Variants in DCLK2 observed in about 807,000 individuals in gnomAD.
DCLK2 encodes the protein doublecortin like kinase 2, also known as serine/threonine-protein kinase DCLK2.
In DCLK2, 31 loss-of-function variants were observed where a neutral mutation model predicts 78.4. The observed-to-expected ratio is 0.40, with a 90% CI of 0.30 to 0.53. The LOEUF is 0.53. Ranked by LOEUF, DCLK2 falls within the 20% of genes least tolerant of loss-of-function variation. DCLK2 has a pLI of 0.61. For synonymous variants in DCLK2, 407 were observed against 374.9 expected (o/e 1.09, Z -0.99); for missense variants, 872 against 973.7 (o/e 0.90, Z 1.39).
At chr4:150,096,517 A>T (rs570575346) in intron 1 of DCLK2, among the ~76,000 whole-genome samples, 4 of 152,104 alleles carry the variant, frequency 2.6e-5, no homozygotes, top group Non-Finnish European at 5.9e-5. Flanking sequence ...TCTAAGGAGG[A>T]TGAGGGATGC....
At chr4:150,212,244 A>G (rs1580726675) in intron 5 of DCLK2, among the ~76,000 whole-genome samples, 1 of 152,300 alleles carries the variant, frequency 6.6e-6, no homozygotes, top group South Asian at 2.1e-4. Flanking sequence ...TTATCTGATG[A>G]TGTCTCCTGG....
At position 150,232,413 on chromosome 4, in the gene DCLK2, T is replaced by C. The variant is rs1415902350; in HGVS notation, c.1376T>C (p.Met459Thr). 1 of 1,614,102 alleles carries C rather than the reference T, an allele frequency of 6.2e-7. No homozygotes were observed. Among genetic ancestry groups the C allele is most frequent in the South Asian group, 1.1e-5 (1 of 91,078 alleles). Residue 459 changes from methionine to threonine, a missense_variant, in exon 9 of 16, where the codon ATG becomes ACG. Met to Thr is a moderately conservative substitution (Grantham distance 81, BLOSUM62 -1). This residue lies in a region of DCLK2 where 567 missense variants were observed against 593.4 expected (regional missense o/e 0.96). Transcript: ENST00000296550. ...HPNIIMLVEEMETATELFLVM... is the reference protein window; with the variant it reads ...HPNIIMLVEETETATELFLVM... The stretch of plus-strand genomic sequence containing the variant: ...AATATCATTATGCTGGTCGAGGAGA[T>C]GGAAACAGCAACTGAGCTCTTTCTG...
chr4:150,217,179 G>C (rs966321275), intron 5 of DCLK2, among the ~76,000 whole-genome samples: 1 of 152,174 alleles, frequency 6.6e-6, no homozygotes, highest in African/African-American at 2.4e-5. Context: ...TCATTTACAG[G>C]AGACAAGGGA....
intron 5 of DCLK2, among the ~76,000 whole-genome samples, chr4:150,218,415 T>C (rs941633283): frequency 6.6e-6 from 1 of 152,200 alleles, no homozygotes; most frequent in Non-Finnish European, 1.5e-5. Context: ...GAAATGCCTG[T>C]GTTTCAGCCC....
chr4:150,179,136 T>G (rs1737307070), intron 2 of DCLK2, among the ~76,000 whole-genome samples: 1 of 152,140 alleles, frequency 6.6e-6, no homozygotes, highest in African/African-American at 2.4e-5. Context: ...CACGCCATTC[T>G]CCTGCCTCAG....
At chr4:150,209,178 C>T (rs897832273) in intron 5 of DCLK2, among the ~76,000 whole-genome samples, 7 of 152,204 alleles carry the variant, frequency 4.6e-5, no homozygotes, top group Admixed American at 3.9e-4. Context: ...CCCTGTTAGG[C>T]CTCTTCCCCA....
intron 2 of DCLK2, among the ~76,000 whole-genome samples, chr4:150,168,543 A>C (rs1736274886): frequency 6.6e-6 from 1 of 151,994 alleles, no homozygotes; most frequent in South Asian, 2.1e-4. Flanking sequence ...CTTTCTTCTG[A>C]GGAGGTAAGA....
At chr4:150,213,788 A>T (rs1740483943) in intron 5 of DCLK2, among the ~76,000 whole-genome samples, 1 of 152,216 alleles carries the variant, frequency 6.6e-6, no homozygotes, top group Non-Finnish European at 1.5e-5. Flanking sequence ...GTATATTTTG[A>T]TCAGCAAGTC....
intron 2 of DCLK2, among the ~76,000 whole-genome samples, chr4:150,166,657 C>A (rs1011159963): frequency 1.3e-5 from 2 of 152,132 alleles, no homozygotes; most frequent in African/African-American, 4.8e-5. Context: ...CTTTGTGTGA[C>A]AAATGACTAC....
At chr4:150,208,908 T>C (rs2126476482) in intron 5 of DCLK2, among the ~76,000 whole-genome samples, 1 of 152,280 alleles carries the variant, frequency 6.6e-6, no homozygotes, top group Non-Finnish European at 1.5e-5. Flanking sequence ...TGGGTATAGA[T>C]TGGAATTAGC....
At chr4:150,079,700 C>T (rs1299761840) in intron 1 of DCLK2, among the ~76,000 whole-genome samples, 1 of 149,794 alleles carries the variant, frequency 6.7e-6, no homozygotes, top group Admixed American at 6.6e-5. Context: ...AATTTAGGCA[C>T]TGGTGGCATC....
At chr4:150,215,032 A>G (rs1290844509) in intron 5 of DCLK2, among the ~76,000 whole-genome samples, 2 of 151,936 alleles carry the variant, frequency 1.3e-5, no homozygotes, top group Admixed American at 1.3e-4. Context: ...TTGTGATGCC[A>G]TTTTCCAAAA....
intron 2 of DCLK2, among the ~76,000 whole-genome samples, chr4:150,168,187 C>CA (rs1397639518): frequency 6.6e-6 from 1 of 151,978 alleles, no homozygotes; most frequent in Non-Finnish European, 1.5e-5. Flanking sequence ...ACTAAAAATA[C>CA]AAAAAATTAG....
At chr4:150,148,949 G>A (rs1203461100) in intron 2 of DCLK2, among the ~76,000 whole-genome samples, 2 of 149,112 alleles carry the variant, frequency 1.3e-5, no homozygotes, top group Non-Finnish European at 3.0e-5. Context: ...GAGATGGGAG[G>A]ATAACTTTAA....
Position 150,102,594 on chromosome 4 carries a change from G to C in DCLK2, c.538G>C (p.Ala180Pro). 6.2e-7 allele frequency: 1 copy of C among 1,614,172 alleles called. No individual in the cohort carries two copies. The highest frequency in any genetic ancestry group is 8.5e-7 in the Non-Finnish European group (1 of 1,180,022). The change falls in exon 2 of 16, where the codon GCC becomes CCC. Residue 180 changes from alanine to proline, a missense_variant. Around this residue, in one of 3 missense-constraint regions of DCLK2, gnomAD observed 567 missense variants for 593.4 expected, o/e 0.96. Transcript: ENST00000296550. ...TGGGACATCCCGAGCGCTGGCTGCT[G>C]CCTCCTCTGTGAAAAGTGAAGTAAA... ...KGGTSRALAA[A>P]SSVKSEVKES...
chr4:150,232,691 C>T lies in DCLK2; in HGVS notation c.1429C>T (p.Leu477Phe). 6.2e-7 allele frequency: 1 copy of T among 1,613,960 alleles called. No homozygotes were observed. The highest frequency in any genetic ancestry group is 8.5e-7 in the Non-Finnish European group (1 of 1,179,912). ...LVMELVKGGD[L>F]FDAITSSTKY... ...TTTATGTATCGTTTAGGGTGGAGAT[C>T]TCTTTGATGCAATTACTTCGTCGAC... The change falls in exon 10 of 16, where the codon CTC (leucine) becomes TTC (phenylalanine). Residue 477 changes from leucine to phenylalanine, a missense_variant. This residue lies in a region of DCLK2 where 86 missense variants were observed against 150.3 expected (regional missense o/e 0.57). Transcript: ENST00000296550.
At chr4:150,110,976 T>C (rs562273101) in intron 2 of DCLK2, among the ~76,000 whole-genome samples, 1 of 152,336 alleles carries the variant, frequency 6.6e-6, no homozygotes, top group South Asian at 2.1e-4. Context: ...ATATAATGGC[T>C]TCTTTTCCTT....
chr4:150,221,972 G>GTTTATTTA lies in DCLK2; in HGVS notation c.1241+190_1241+191insATTTATTT, dbSNP rs754540919. Among the ~76,000 whole-genome samples, 446 of 150,400 alleles carry GTTTATTTA rather than the reference G, an allele frequency of 3.0e-3. 1 individual carries two copies. Among genetic ancestry groups the GTTTATTTA allele is most frequent in the African/African-American group, 8.5e-3 (347 of 40,848 alleles). ...ATTTCTTTCCTTTTGTTGTTTGTTT[G>GTTTATTTA]TTTGTTTATTTATTTATTTATTTAT... On this transcript the variant is annotated intron_variant, in intron 7 of 15. Transcript: ENST00000296550.
At position 150,242,208 on chromosome 4, in the gene DCLK2, C is replaced by G. The variant is rs373733482; in HGVS notation, c.1778+1732C>G. Among the ~76,000 whole-genome samples the G allele has an allele frequency of 9.8e-5, 15 of 152,290 alleles. No individual in the cohort carries two copies. In the South Asian group the frequency reaches 2.9e-3, roughly 29 times the overall value. On this transcript the variant is annotated intron_variant, in intron 12 of 15. Coordinates refer to ENST00000296550, the MANE Select transcript of DCLK2 (RefSeq NM_001040260.4). ...AAGCCTTATGCTATAGATAAAGACA[C>G]ACCTCACAAGACTATTGATCAAAGA...
Sources: gnomAD v4.1 joint callset for allele counts (sites outside exome capture counted in the v4.1 genomes callset) on GRCh38, gnomAD v4.1.1 for gene constraint, gnomAD v4.1.1 regional missense constraint, MANE v1.5 for transcripts, NCBI Gene and HGNC (gene_info 2026-07-23, HGNC 2026-07-21) for gene names.